PIM3: variants seen among roughly 807,000 people sequenced by gnomAD.
PIM3 encodes Pim-3 proto-oncogene, serine/threonine kinase.
A neutral mutation model predicts 27.5 loss-of-function variants in PIM3; 13 were observed. The observed-to-expected ratio is 0.47, with a 90% CI of 0.31 to 0.75. The LOEUF (loss-of-function observed/expected upper bound fraction) is 0.75, where lower values mean the gene tolerates loss of function less well. Among genes scored for constraint, PIM3 ranks in the 30% least tolerant of loss-of-function variants. The pLI is 0.05. For synonymous variants in PIM3, 341 were observed against 221.1 expected (o/e 1.54, Z -4.81); for missense variants, 482 against 476.9 (o/e 1.01, Z -0.10).
At chr22:49,962,557 A>C (rs921894502) in intron 4 of PIM3, 132 bp from the exon 5 acceptor site, 14 of 967,562 alleles carry the variant, frequency 1.4e-5, no homozygotes, top group Non-Finnish European at 2.0e-5. Context: ...TTCCAGGGTG[A>C]TGACGAGCAG....
Position 49,963,282 on chromosome 22 carries a change from C to G in PIM3, c.*155C>G, listed in dbSNP as rs1184439713. 1.2e-6 allele frequency: 1 copy of G among 824,914 alleles called. No individual in the cohort carries two copies. The highest frequency in any genetic ancestry group is 3.2e-5 in the Admixed American group (1 of 30,980). 51.1% of individuals were successfully genotyped at this position (824,914 alleles called of 1,614,324 possible). A position where few individuals can be genotyped will look rare whatever the true frequency, so the allele number is the denominator to read the frequency against. ...CTTCGCTTTGAGTGCCTTTTGAACG[C>G]TGGTCCCGCGGGACTTGGTTTTCTC... is the stretch of plus-strand genomic sequence containing the variant. On this transcript the variant is annotated 3_prime_UTR_variant, in exon 6 of 6. Transcript: ENST00000360612.
At position 49,963,472 on chromosome 22, in the gene PIM3, G is replaced by T; in HGVS notation, c.*345G>T. 1 of 251,366 alleles carries T rather than the reference G, an allele frequency of 4.0e-6. No homozygotes were observed. The highest frequency in any genetic ancestry group is 5.2e-5 in the South Asian group (1 of 19,112). The allele number at this position is 251,366 out of a possible 1,614,324, so 15.6% of individuals were successfully genotyped here. The stretch of plus-strand genomic sequence containing the variant: ...GCGCAGGGTCCCAAGCCCACCTCCC[G>T]CCCTCAGTCCTGCGGTGTGCGTCTG... On this transcript the variant is annotated 3_prime_UTR_variant, in exon 6 of 6. Transcript: ENST00000360612.
At chr22:49,961,909 G>A in intron 4 of PIM3, 98 bp downstream of exon 4, 1 of 1,517,754 alleles carries the variant, frequency 6.6e-7, no homozygotes, top group Non-Finnish European at 8.9e-7. Context: ...CTGTTGGGCG[G>A]CCGCGCGCCC....
At chr22:49,962,426 C>T (rs2060913158) in intron 4 of PIM3, among the ~76,000 whole-genome samples, 2 of 150,598 alleles carry the variant, frequency 1.3e-5, no homozygotes, top group Admixed American at 1.3e-4. Context: ...CAGGTAGCCT[C>T]ACAGCGCATC....
chr22:49,962,330 C>G, intron 4 of PIM3, among the ~76,000 whole-genome samples: 1 of 148,674 alleles, frequency 6.7e-6, no homozygotes, highest in East Asian at 2.0e-4. Context: ...GCCCGCCCCT[C>G]CCTCCTCCCT....
rs906549739 is a variant in PIM3, at chr22:49,963,205, C to G, written c.*78C>G. 7.1e-7 allele frequency: 1 copy of G among 1,404,940 alleles called. No homozygotes were observed. Among genetic ancestry groups the G allele is most frequent in the Non-Finnish European group, 9.4e-7 (1 of 1,063,690 alleles). The allele number at this position is 1,404,940 out of a possible 1,614,324, so 87.0% of individuals were successfully genotyped here. A position where few individuals can be genotyped will look rare whatever the true frequency, so the allele number is the denominator to read the frequency against. On this transcript the variant is annotated 3_prime_UTR_variant, in exon 6 of 6. Transcript: ENST00000360612. The stretch of plus-strand genomic sequence containing the variant: ...GACGCCCCCAGACCCTGACTTTCTC[C>G]TGCGTGGGCCGTCTCCTCCTGCGGA...
rs904651322 is a variant in PIM3, at chr22:49,961,932, C to G, written c.616+121C>G. Reference sequence around the variant, plus strand: ...CGGCCGCGCGCCCTGGGTCTGCTCTCGTGGGGAGCAGAGGCCCACGCGCTA... The same window carrying G: ...CGGCCGCGCGCCCTGGGTCTGCTCTGGTGGGGAGCAGAGGCCCACGCGCTA... On this transcript the variant is annotated intron_variant, in intron 4 of 5. Coordinates refer to ENST00000360612, the MANE Select transcript of PIM3 (RefSeq NM_001001852.4). 8 of 1,431,354 alleles carry G rather than the reference C, an allele frequency of 5.6e-6. No individual in the cohort carries two copies. In the African/African-American group the frequency reaches 1.2e-4, roughly 21 times the overall value. The allele number at this position is 1,431,354 out of a possible 1,614,324, so 88.7% of individuals were successfully genotyped here. A position where few individuals can be genotyped will look rare whatever the true frequency, so the allele number is the denominator to read the frequency against.
At position 49,961,547 on chromosome 22, in the gene PIM3, G is replaced by T. The variant is rs956217181; in HGVS notation, c.352G>T (p.Gly118Cys). The T allele has an allele frequency of 1.2e-5, 18 of 1,544,570 alleles. No homozygotes were observed. The highest frequency in any genetic ancestry group is 2.8e-5 in the African/African-American group (2 of 72,620). Residue 118 changes from glycine to cysteine, a missense_variant, in exon 4 of 6, where the codon GGC (glycine) becomes TGC (cysteine). Transcript: ENST00000360612. ...GCTGGACTGGTTCGAGCGGCCCGAC[G>T]GCTTCCTGCTGGTGCTGGAGCGGCC... is the stretch of plus-strand genomic sequence containing the variant. The part of the protein sequence containing the change: ...RLLDWFERPD[G>C]FLLVLERPEP...
rs760564209 is a variant in PIM3, at chr22:49,961,258, C to T, written c.195+24C>T. 9 of 1,536,678 alleles carry T rather than the reference C, an allele frequency of 5.9e-6. No homozygotes were observed. The Admixed American group carries it at 1.4e-4, about 25-fold the overall frequency. On this transcript the variant is annotated intron_variant, in intron 2 of 5. Transcript: ENST00000360612. ...CGGTGAGTCGGACCGCCGGGCGGGC[C>T]CGGGTTTCTCGCGCGCCTTGCGCCT...
At position 49,963,912 on chromosome 22, in the gene PIM3, G is replaced by T. The variant is rs1003634228; in HGVS notation, c.*785G>T. 9.8e-5 allele frequency: 15 copies of T among 152,444 alleles called. No individual in the cohort carries two copies. The highest frequency in any genetic ancestry group is 3.1e-4 in the African/African-American group (13 of 41,460). The allele number at this position is 152,444 out of a possible 1,614,324, so 9.4% of individuals were successfully genotyped here. A position where few individuals can be genotyped will look rare whatever the true frequency, so the allele number is the denominator to read the frequency against. The stretch of plus-strand genomic sequence containing the variant: ...CTGCTTGTGGGCTCTGAAAGCTGGG[G>T]TGGGGCCAGAGCCTGAGCGTTTAAT... On this transcript the variant is annotated 3_prime_UTR_variant, in exon 6 of 6. Transcript: ENST00000360612.
chr22:49,961,431 G>C lies in PIM3; in HGVS notation c.247-11G>C. On this transcript the variant is annotated splice_polypyrimidine_tract_variant and intron_variant, in intron 3 of 5. Transcript: ENST00000360612. ...GGGCGCGGGGCTTTTGCTGACCGCC[G>C]TGTCCCCCAGGGCGGCGCGACCGTG... 1 of 1,418,656 alleles carries C rather than the reference G, an allele frequency of 7.0e-7. No individual in the cohort carries two copies. The highest frequency in any genetic ancestry group is 9.2e-7 in the Non-Finnish European group (1 of 1,090,484). 87.9% of individuals were successfully genotyped at this position (1,418,656 alleles called of 1,614,324 possible). A position where few individuals can be genotyped will look rare whatever the true frequency, so the allele number is the denominator to read the frequency against.
Position 49,963,346 on chromosome 22 carries a change from G to A in PIM3, c.*219G>A, listed in dbSNP as rs192783206. On this transcript the variant is annotated 3_prime_UTR_variant, in exon 6 of 6. Coordinates refer to ENST00000360612, the MANE Select transcript of PIM3 (RefSeq NM_001001852.4). The stretch of plus-strand genomic sequence containing the variant: ...CCAAAGACGCTCCGGTCGAGGTCCC[G>A]CCTGCCCTGGGTGGATACTTGAACC... 1.5e-3 allele frequency: 795 copies of A among 543,702 alleles called. 1 individual carries two copies. The highest frequency in any genetic ancestry group is 2.3e-3 in the Non-Finnish European group (714 of 315,056). The allele number at this position is 543,702 out of a possible 1,614,324, so 33.7% of individuals were successfully genotyped here. A position where few individuals can be genotyped will look rare whatever the true frequency, so the allele number is the denominator to read the frequency against.
rs2146707482 is a variant in PIM3 at position 49,963,418 on chromosome 22, T to TG, written c.*292dup. 1 of 328,668 alleles carries TG rather than the reference T, an allele frequency of 3.0e-6. No homozygotes were observed. The highest frequency in any genetic ancestry group is 5.7e-6 in the Non-Finnish European group (1 of 176,492). The allele number at this position is 328,668 out of a possible 1,614,324, so 20.4% of individuals were successfully genotyped here. On this transcript the variant is annotated 3_prime_UTR_variant, in exon 6 of 6. Transcript: ENST00000360612. ...TGTGTCCGGAGGCGGCCTTCCCATC[T>TG]GCCTGCCCACCCGGAGCTCTTTCCG...
Position 49,962,710 on chromosome 22 carries a change from CGGAGT to C in PIM3, c.642_646del (p.Glu214AspfsTer82). On this transcript the variant is annotated frameshift_variant, in exon 5 of 6. Transcript: ENST00000360612. LOFTEE classifies it high-confidence loss of function. The stretch of plus-strand genomic sequence containing the variant: ...TTAGGCACCCGAGTGTACAGCCCCC[CGGAGT>C]GGATCCGCTACCACCGCTACCACGG... The C allele has an allele frequency of 6.2e-7, 1 of 1,611,806 alleles. No homozygotes were observed. The highest frequency in any genetic ancestry group is 8.5e-7 in the Non-Finnish European group (1 of 1,179,540).
rs2060916374 is a variant in PIM3, at chr22:49,962,884, CG to C, written c.793+24del. On this transcript the variant is annotated intron_variant, in intron 5 of 5. Coordinates refer to ENST00000360612, the MANE Select transcript of PIM3 (RefSeq NM_001001852.4). Reference sequence around the variant, plus strand: ...TCTCCAGGTGCGTGGTGGCTCGAGGCGGGGGTGGGGGCCTCGCCCTGCTTGG... The same window carrying C: ...TCTCCAGGTGCGTGGTGGCTCGAGGCGGGGTGGGGGCCTCGCCCTGCTTGG... 3 of 1,597,376 alleles carry C rather than the reference CG, an allele frequency of 1.9e-6. No homozygotes were observed. The highest frequency in any genetic ancestry group is 1.7e-5 in the Admixed American group (1 of 59,084).
Position 49,963,427 on chromosome 22 carries a change from A to C in PIM3, c.*300A>C. The stretch of plus-strand genomic sequence containing the variant: ...AGGCGGCCTTCCCATCTGCCTGCCC[A>C]CCCGGAGCTCTTTCCGCCGGCGCAG... On this transcript the variant is annotated 3_prime_UTR_variant, in exon 6 of 6. Transcript: ENST00000360612. 3.3e-6 allele frequency: 1 copy of C among 301,680 alleles called. No homozygotes were observed. 18.7% of individuals were successfully genotyped at this position (301,680 alleles called of 1,614,324 possible). A position where few individuals can be genotyped will look rare whatever the true frequency, so the allele number is the denominator to read the frequency against.
chr22:49,962,608 G>A, intron 4 of PIM3, 81 bp from the exon 5 acceptor site: 14 of 1,453,918 alleles, frequency 9.6e-6, no homozygotes, highest in Non-Finnish European at 1.3e-5. Flanking sequence ...CTGAGGCCAG[G>A]GAGTTAACCA....
In PIM3 at chr22:49,961,301, C is replaced by A. The variant is rs773813088; in HGVS notation, c.196-17C>A. ...TTGCGCCTCGCTTGGCCCGGCCTGA[C>A]CCCCGCGTCTCCGCAGGTGGCTGTG... On this transcript the variant is annotated splice_polypyrimidine_tract_variant and intron_variant, in intron 2 of 5. Coordinates refer to ENST00000360612, the MANE Select transcript of PIM3 (RefSeq NM_001001852.4). 6.5e-7 allele frequency: 1 copy of A among 1,543,774 alleles called. No homozygotes were observed. Among genetic ancestry groups the A allele is most frequent in the Non-Finnish European group, 8.7e-7 (1 of 1,149,994 alleles).
chr22:49,962,353 T>TC (rs1179382438), intron 4 of PIM3, among the ~76,000 whole-genome samples: 3 of 26,966 alleles, frequency 1.1e-4, no homozygotes, highest in South Asian at 2.1e-3. Context: ...CTCTCTCCCC[T>TC]CCCCCCGTTC....
Sources: gnomAD v4.1 joint callset for allele counts (sites outside exome capture counted in the v4.1 genomes callset) on GRCh38, gnomAD v4.1.1 for gene constraint, MANE v1.5 for transcripts, NCBI Gene and HGNC (gene_info 2026-07-23, HGNC 2026-07-21) for gene names.